Variants in GYS2 observed in about 807,000 individuals in gnomAD.
GYS2 encodes glycogen [starch] synthase, liver.
A neutral mutation model predicts 85.6 loss-of-function variants in GYS2; 80 were observed. That is an observed-to-expected ratio of 0.93 (90% CI 0.78 to 1.13). The LOEUF (loss-of-function observed/expected upper bound fraction) is 1.13, where lower values mean the gene tolerates loss of function less well. Among genes scored for constraint, GYS2 ranks in the 50% most tolerant of loss-of-function variants. The pLI, the probability that GYS2 is intolerant of heterozygous loss-of-function variation, is 0.00. For missense variants in GYS2, 881 were observed against 854.9 expected (o/e 1.03, Z -0.38); for synonymous variants, 328 against 300.7 (o/e 1.09, Z -0.94).
At chr12:21,593,915 T>C (rs1277696903) in intron 1 of GYS2, among the ~76,000 whole-genome samples, 5 of 152,120 alleles carry the variant, frequency 3.3e-5, no homozygotes, top group Non-Finnish European at 7.4e-5. Context: ...TAATACACCA[T>C]GATCAAGTGG....
chr12:21,564,444 A>G (rs1027273354), intron 5 of GYS2, among the ~76,000 whole-genome samples: 1 of 152,158 alleles, frequency 6.6e-6, no homozygotes, highest in Non-Finnish European at 1.5e-5. Context: ...AGAAAAAAAA[A>G]AAGAATCTTT....
chr12:21,568,086 A>T (rs1904120), intron 5 of GYS2, among the ~76,000 whole-genome samples: 87,177 of 151,504 alleles, frequency 0.58, 26,408 homozygotes, highest in East Asian at 0.74. Flanking sequence ...AAAAAAAAGA[A>T]AAAGGGGTCG....
At chr12:21,589,381 T>C (rs980114109) in intron 1 of GYS2, among the ~76,000 whole-genome samples, 1 of 152,186 alleles carries the variant, frequency 6.6e-6, no homozygotes, top group Non-Finnish European at 1.5e-5. Context: ...TTAGAGTGTT[T>C]AAAATATGAT....
chr12:21,573,343 C>G (rs1162508010), intron 4 of GYS2, among the ~76,000 whole-genome samples: 1 of 152,072 alleles, frequency 6.6e-6, no homozygotes, highest in African/African-American at 2.4e-5. Flanking sequence ...AAACTGAACC[C>G]TAGAGTACTA....
At chr12:21,601,348 A>T (rs1032693954) in intron 1 of GYS2, among the ~76,000 whole-genome samples, 61 of 152,020 alleles carry the variant, frequency 4.0e-4, no homozygotes, top group African/African-American at 1.2e-3. Flanking sequence ...GTGACTCCTC[A>T]TTCATTGTTC....
In GYS2 at chr12:21,559,226, T is replaced by C. The variant is rs1259375640; in HGVS notation, c.1230-57A>G. 37 of 853,628 alleles carry C rather than the reference T, an allele frequency of 4.3e-5. No homozygotes were observed. In the Admixed American group the frequency reaches 6.5e-4, roughly 15 times the overall value. The allele number at this position is 853,628 out of a possible 1,614,324, so 52.9% of individuals were successfully genotyped here. ...AAAACAGCTGGCACTAATTCAGTGA[T>C]TCCTAAGCATCAGATTATATATTAT... On this transcript the variant is annotated intron_variant, in intron 9 of 15. Transcript: ENST00000261195.
chr12:21,588,509 G>A (rs979277243), intron 1 of GYS2, among the ~76,000 whole-genome samples: 2 of 152,116 alleles, frequency 1.3e-5, no homozygotes, highest in Non-Finnish European at 2.9e-5. Flanking sequence ...ACTCCAAAAT[G>A]CAAGCAATTT....
intron 10 of GYS2, 104 bp from the exon 11 acceptor site, chr12:21,558,417 A>G (rs1944209753): frequency 4.1e-6 from 3 of 737,096 alleles, no homozygotes; most frequent in Non-Finnish European, 4.9e-6. Flanking sequence ...TCACACCTTC[A>G]GTCTTTTGAG....
At chr12:21,541,873 C>A (rs578232542) in intron 13 of GYS2, among the ~76,000 whole-genome samples, 80 of 152,142 alleles carry the variant, frequency 5.3e-4, no homozygotes, top group African/African-American at 1.9e-3. Context: ...CCCACTCAAG[C>A]AGTCCCCAGA....
intron 1 of GYS2, among the ~76,000 whole-genome samples, chr12:21,596,186 A>T (rs138844890): frequency 6.6e-6 from 1 of 152,162 alleles, no homozygotes; most frequent in Non-Finnish European, 1.5e-5. Flanking sequence ...TCAAAGAGGA[A>T]TTGGTCCCCA....
intron 1 of GYS2, among the ~76,000 whole-genome samples, chr12:21,589,572 C>T (rs1944611995): frequency 6.6e-6 from 1 of 152,108 alleles, no homozygotes; most frequent in South Asian, 2.1e-4. Context: ...TGACAGGAAG[C>T]ATCTAAGGCA....
chr12:21,569,063 A>G, intron 4 of GYS2, 54 bp from the exon 5 acceptor site: 1 of 1,583,404 alleles, frequency 6.3e-7, no homozygotes, highest in Non-Finnish European at 8.7e-7. Context: ...CTTCTACACA[A>G]GCTAAACAAA....
intron 11 of GYS2, among the ~76,000 whole-genome samples, chr12:21,553,181 C>T (rs1031301628): frequency 6.6e-6 from 1 of 152,206 alleles, no homozygotes; most frequent in African/African-American, 2.4e-5. Context: ...TTCTGAGTAA[C>T]TGGGATTACA....
At chr12:21,590,942 G>A (rs760700812) in intron 1 of GYS2, among the ~76,000 whole-genome samples, 3 of 151,854 alleles carry the variant, frequency 2.0e-5, no homozygotes, top group Non-Finnish European at 4.4e-5. Flanking sequence ...CAAAATCAAA[G>A]TGCCCTACTC....
At chr12:21,554,759 G>A (rs1325511228) in intron 11 of GYS2, among the ~76,000 whole-genome samples, 2 of 152,178 alleles carry the variant, frequency 1.3e-5, no homozygotes, top group Non-Finnish European at 2.9e-5. Context: ...TTTCAGAAGA[G>A]ATGATAACAT....
At chr12:21,584,840 A>G (rs1482476138) in intron 1 of GYS2, among the ~76,000 whole-genome samples, 1 of 152,196 alleles carries the variant, frequency 6.6e-6, no homozygotes. Flanking sequence ...TATTCCACAC[A>G]GCATTGCTTC....
At chr12:21,582,239 G>A (rs1944518113) in intron 1 of GYS2, among the ~76,000 whole-genome samples, 1 of 152,162 alleles carries the variant, frequency 6.6e-6, no homozygotes, top group African/African-American at 2.4e-5. Flanking sequence ...TCTTGGGTGT[G>A]TCTGTGAGGG....
At chr12:21,583,136 T>C (rs1236377098) in intron 1 of GYS2, among the ~76,000 whole-genome samples, 4 of 152,212 alleles carry the variant, frequency 2.6e-5, no homozygotes, top group Admixed American at 1.3e-4. Flanking sequence ...ATTGATGACA[T>C]GCTGACTGGA....
intron 1 of GYS2, among the ~76,000 whole-genome samples, chr12:21,590,435 A>C (rs1237382551): frequency 6.6e-6 from 1 of 152,142 alleles, no homozygotes; most frequent in Non-Finnish European, 1.5e-5. Context: ...CCAATCTGCC[A>C]CTGCCATCAC....
Sources: allele counts gnomAD v4.1 joint callset (sites outside exome capture counted in the v4.1 genomes callset), GRCh38; gene constraint gnomAD v4.1.1; transcripts MANE v1.5; gene names NCBI Gene and HGNC (gene_info 2026-07-23, HGNC 2026-07-21).